SLC1A1: variants seen among roughly 807,000 people sequenced by gnomAD.
The protein encoded by SLC1A1 is solute carrier family 1 member 1, also known as excitatory amino acid transporter 3.
A neutral mutation model predicts 53.3 loss-of-function variants in SLC1A1; 43 were observed. The observed-to-expected ratio is 0.81, with a 90% CI of 0.63 to 1.04. The LOEUF (loss-of-function observed/expected upper bound fraction) is 1.04, where lower values mean the gene tolerates loss of function less well. Ranked by LOEUF, SLC1A1 falls within the 50% of genes least tolerant of loss-of-function variation. SLC1A1 has a pLI of 0.00. For synonymous variants in SLC1A1, 307 were observed against 243.2 expected, an observed-to-expected ratio of 1.26 and a Z score of -2.44; for missense variants, 748 against 664.9, an observed-to-expected ratio of 1.12 and a Z score of -1.37.
intron 2 of SLC1A1, among the ~76,000 whole-genome samples, chr9:4,551,076 G>A (rs2084924674): frequency 6.6e-6 from 1 of 152,192 alleles, no homozygotes; most frequent in Non-Finnish European, 1.5e-5. Context: ...CATCAGGCAA[G>A]GAGTATGAAT....
intron 1 of SLC1A1, among the ~76,000 whole-genome samples, chr9:4,522,511 T>A (rs1434704668): frequency 6.6e-6 from 1 of 152,210 alleles, no homozygotes; most frequent in African/African-American, 2.4e-5. Context: ...ATGCCTTCCA[T>A]GGATTTCACC....
chr9:4,555,296 G>C (rs1483579717), intron 2 of SLC1A1, among the ~76,000 whole-genome samples: 3 of 152,162 alleles, frequency 2.0e-5, no homozygotes, highest in African/African-American at 7.2e-5. Flanking sequence ...AGACCTAAAA[G>C]AACTTCCAAT....
intron 1 of SLC1A1, among the ~76,000 whole-genome samples, chr9:4,509,086 AG>A (rs1186180248): frequency 6.6e-6 from 1 of 152,152 alleles, no homozygotes; most frequent in Non-Finnish European, 1.5e-5. Context: ...CTAGGCTTTA[AG>A]GGGTGGGTAG....
intron 1 of SLC1A1, among the ~76,000 whole-genome samples, chr9:4,539,607 T>A (rs1178665480): frequency 1.3e-5 from 2 of 151,730 alleles, no homozygotes; most frequent in East Asian, 3.9e-4. Context: ...AATCTCACTC[T>A]GTCATCTAGG....
intron 1 of SLC1A1, among the ~76,000 whole-genome samples, chr9:4,518,369 T>G (rs1219328613): frequency 3.4e-5 from 5 of 146,962 alleles, no homozygotes; most frequent in Admixed American, 1.4e-4. Flanking sequence ...TGTGGTTTTG[T>G]TTTTTTTTTG....
intron 1 of SLC1A1, among the ~76,000 whole-genome samples, chr9:4,500,349 C>T (rs1180613187): frequency 6.6e-6 from 1 of 152,172 alleles, no homozygotes; most frequent in Non-Finnish European, 1.5e-5. Context: ...CACTCTGTCA[C>T]CCAGGCTGGA....
chr9:4,582,126 G>A (rs1331986530), intron 10 of SLC1A1, among the ~76,000 whole-genome samples: 5 of 152,190 alleles, frequency 3.3e-5, no homozygotes, highest in Admixed American at 6.5e-5. Flanking sequence ...GGATTTTTCA[G>A]GGCATGTTGA....
chr9:4,564,036 A>C (rs1365012834), intron 3 of SLC1A1, among the ~76,000 whole-genome samples: 2 of 152,206 alleles, frequency 1.3e-5, no homozygotes, highest in African/African-American at 4.8e-5. Flanking sequence ...GAATATTCTC[A>C]TCAGCAGGTG....
chr9:4,530,220 T>C (rs1816415765), intron 1 of SLC1A1, among the ~76,000 whole-genome samples: 1 of 152,088 alleles, frequency 6.6e-6, no homozygotes, highest in Non-Finnish European at 1.5e-5. Context: ...TCAATTTCCA[T>C]GATATAACTA....
chr9:4,563,801 C>G (rs1365046344), intron 3 of SLC1A1, among the ~76,000 whole-genome samples: 1 of 152,116 alleles, frequency 6.6e-6, no homozygotes, highest in Non-Finnish European at 1.5e-5. Context: ...ATCTATTTGT[C>G]CTCATTCCAC....
chr9:4,582,799 T>C (rs1388726577), intron 10 of SLC1A1, among the ~76,000 whole-genome samples: 1 of 152,224 alleles, frequency 6.6e-6, no homozygotes, highest in Non-Finnish European at 1.5e-5. Context: ...ATTAGAGTGA[T>C]GTGCCATATC....
rs187577239 is a variant in SLC1A1, at chr9:4,547,478, A to G, written c.232+2771A>G. ...AAAGCAGGGTGGGGACAATGATGGC[A>G]TATCCATGTTTTAAATTGTCAGATT... is the stretch of plus-strand genomic sequence containing the variant. On this transcript the variant is annotated intron_variant, in intron 2 of 11. Coordinates refer to ENST00000262352, the MANE Select transcript of SLC1A1 (RefSeq NM_004170.6). 2.2e-3 allele frequency among the ~76,000 whole-genome samples: 333 copies of G among 152,356 alleles called. 2 individuals are homozygous for G. The highest frequency in any genetic ancestry group is 7.6e-3 in the African/African-American group (316 of 41,582).
intron 2 of SLC1A1, chr9:4,559,898 T>C (rs1818768927): frequency 6.6e-6 from 1 of 152,220 alleles, no homozygotes; most frequent in Non-Finnish European, 1.5e-5. Flanking sequence ...AGAACGGCTT[T>C]TGACTCCGTT....
intron 1 of SLC1A1, among the ~76,000 whole-genome samples, chr9:4,515,198 C>T (rs1038099965): frequency 1.1e-4 from 16 of 152,064 alleles, no homozygotes; most frequent in African/African-American, 2.9e-4. Flanking sequence ...CAGATGCTGG[C>T]CTCTTCTAAC....
In SLC1A1 at chr9:4,561,535, A is replaced by T. The variant is rs767371718; in HGVS notation, c.319A>T (p.Ile107Phe). The T allele has an allele frequency of 9.8e-6, 15 of 1,537,154 alleles. No individual in the cohort carries two copies. The highest frequency in any genetic ancestry group is 1.7e-5 in the Admixed American group (1 of 59,908). The change falls in exon 3 of 12, where the codon ATT becomes TTT. Residue 107 changes from isoleucine to phenylalanine, a missense_variant. Transcript: ENST00000262352. Reference sequence around the variant, plus strand: ...TTTCTGTACCACTCTCATTGCTGTTATTCTAGGTAATACTTATTTCTGAAT... The same window carrying T: ...TTTCTGTACCACTCTCATTGCTGTTTTTCTAGGTAATACTTATTTCTGAAT... ...YYFCTTLIAVILGIVLVVSIK... is the reference protein window; with the variant it reads ...YYFCTTLIAVFLGIVLVVSIK...
chr9:4,553,024 C>T (rs1586768357), intron 2 of SLC1A1, among the ~76,000 whole-genome samples: 1 of 151,906 alleles, frequency 6.6e-6, no homozygotes, highest in Non-Finnish European at 1.5e-5. Context: ...GAAGCTTTTG[C>T]CTAGAAGTCC....
intron 1 of SLC1A1, among the ~76,000 whole-genome samples, chr9:4,519,075 T>G (rs558721370): frequency 6.6e-6 from 1 of 152,340 alleles, no homozygotes; most frequent in Non-Finnish European, 1.5e-5. Flanking sequence ...AACTGTTTAT[T>G]AGTTTGCAGG....
chr9:4,565,914 A>C, intron 4 of SLC1A1, 133 bp from the exon 5 acceptor site: 1 of 769,312 alleles, frequency 1.3e-6, no homozygotes, highest in East Asian at 2.5e-5. Flanking sequence ...ACAAGGAAGT[A>C]TTACGCAAAG....
At chr9:4,568,036 T>G (rs969932057) in intron 6 of SLC1A1, among the ~76,000 whole-genome samples, 2 of 152,202 alleles carry the variant, frequency 1.3e-5, no homozygotes, top group Non-Finnish European at 2.9e-5. Flanking sequence ...TTGCTTTGAT[T>G]CTCATGCTGG....
Sources: allele counts gnomAD v4.1 joint callset (sites outside exome capture counted in the v4.1 genomes callset), GRCh38; gene constraint gnomAD v4.1.1; transcripts MANE v1.5; gene names NCBI Gene and HGNC (gene_info 2026-07-23, HGNC 2026-07-21).